Variants in ZNF568 observed in about 807,000 individuals in gnomAD.
The protein encoded by ZNF568 is p53 inhibitor of SCO2 activation.
In ZNF568, 11 loss-of-function variants were observed where a neutral mutation model predicts 18.1. The ratio of observed to expected loss-of-function variants is 0.61; its 90% confidence interval spans 0.38 to 1.00. The LOEUF is 1.00. Among genes scored for constraint, ZNF568 ranks in the 50% least tolerant of loss-of-function variants. ZNF568 has a pLI of 0.01. For synonymous variants in ZNF568, 213 were observed against 246.6 expected (o/e 0.86, Z 1.28); for missense variants, 639 against 768.2 (o/e 0.83, Z 1.99).
intron 6 of ZNF568, among the ~76,000 whole-genome samples, chr19:36,945,830 AT>A (rs1330335612): frequency 6.6e-6 from 1 of 151,898 alleles, no homozygotes; most frequent in Admixed American, 6.6e-5. Flanking sequence ...GTGGTGTCTC[AT>A]ACCTGTAATC....
exon 5 of ZNF568, chr19:36,996,587 G>T: frequency 6.5e-7 from 1 of 1,536,014 alleles, no homozygotes; most frequent in Non-Finnish European, 8.7e-7. Context: ...TACCAGTCAT[G>T]TCCTATTCAA....
chr19:36,989,445 A>G (rs569743844), intron 2 of ZNF568, among the ~76,000 whole-genome samples: 1 of 152,312 alleles, frequency 6.6e-6, no homozygotes, highest in South Asian at 2.1e-4. Context: ...GGCCTCTCAA[A>G]GTGCTGGGAT....
chr19:36,934,154 T>C (rs1474326140), intron 4 of ZNF568, among the ~76,000 whole-genome samples: 4 of 151,724 alleles, frequency 2.6e-5, no homozygotes, highest in African/African-American at 7.2e-5. Context: ...TGAGTCTTCT[T>C]GTCAGTGATA....
downstream of ZNF568, among the ~76,000 whole-genome samples, chr19:36,982,814 GAAAAACC>G (rs1393117882): frequency 6.6e-6 from 1 of 152,102 alleles, no homozygotes; most frequent in African/African-American, 2.4e-5. Flanking sequence ...CCTTTATTGG[GAAAAACC>G]TAACTTAGCC....
At chr19:36,974,218 G>C (rs80145036) in intron 6 of ZNF568, among the ~76,000 whole-genome samples, 3,800 of 152,230 alleles carry the variant, frequency 0.025, 85 homozygotes, top group East Asian at 0.078. Flanking sequence ...AGAGGGCTAC[G>C]GTCTGGGGGG....
chr19:36,970,479 G>C (rs1385844185), intron 6 of ZNF568, among the ~76,000 whole-genome samples: 1 of 151,800 alleles, frequency 6.6e-6, no homozygotes, highest in African/African-American at 2.4e-5. Flanking sequence ...CCAGTAGCTG[G>C]AAGTACAGGT....
Position 36,952,038 on chromosome 19 carries a change from CTTT to C in ZNF568, c.*965_*967del, listed in dbSNP as rs138419937. 638 of 878,268 alleles carry C rather than the reference CTTT, an allele frequency of 7.3e-4. No homozygotes were observed. The highest frequency in any genetic ancestry group is 1.2e-3 in the Middle Eastern group (2 of 1,686). 54.4% of individuals were successfully genotyped at this position (878,268 alleles called of 1,614,324 possible). A position where few individuals can be genotyped will look rare whatever the true frequency, so the allele number is the denominator to read the frequency against. ...TGTCTATGACGTTGAGGCCAAGGAG[CTTT>C]TTTTTTTTTTTTTTCAAGACAAAAG... On this transcript the variant is annotated 3_prime_UTR_variant, in exon 7 of 7. Transcript: ENST00000333987.
chr19:36,955,194 CTT>C (rs34883962), downstream of ZNF568, among the ~76,000 whole-genome samples: 38 of 147,928 alleles, frequency 2.6e-4, no homozygotes, highest in African/African-American at 7.2e-4. Context: ...ATTTGTGAGA[CTT>C]TTTTTTTTTG....
chr19:36,986,265 A>G (rs2074375845), intron 2 of ZNF568, among the ~76,000 whole-genome samples: 1 of 152,078 alleles, frequency 6.6e-6, no homozygotes, highest in Non-Finnish European at 1.5e-5. Flanking sequence ...CCTTACTCTA[A>G]GGGCGTGGTT....
At chr19:36,974,827 T>TA (rs2074267423) in intron 7 of ZNF568, among the ~76,000 whole-genome samples, 1 of 28,548 alleles carries the variant, frequency 3.5e-5, no homozygotes, top group Non-Finnish European at 6.7e-5. Flanking sequence ...TGCTTACCAA[T>TA]TTTTTTTTTT....
intron 6 of ZNF568, among the ~76,000 whole-genome samples, chr19:36,969,585 G>T (rs984395196): frequency 6.6e-6 from 1 of 151,962 alleles, no homozygotes; most frequent in Non-Finnish European, 1.5e-5. Flanking sequence ...TTCTAGGGGA[G>T]AATCTATTTC....
At chr19:36,946,687 T>C (rs1345434431) in intron 6 of ZNF568, among the ~76,000 whole-genome samples, 1 of 148,962 alleles carries the variant, frequency 6.7e-6, no homozygotes, top group African/African-American at 2.5e-5. Context: ...AGTTTCGCTC[T>C]TGTTGCCCAG....
chr19:36,960,427 G>T (rs1467400080), intron 6 of ZNF568, among the ~76,000 whole-genome samples: 1 of 151,920 alleles, frequency 6.6e-6, no homozygotes, highest in Non-Finnish European at 1.5e-5. Flanking sequence ...TAACTTTTTT[G>T]ATTGCATTCT....
At chr19:36,933,260 C>G (rs2073718936) in intron 4 of ZNF568, among the ~76,000 whole-genome samples, 1 of 151,314 alleles carries the variant, frequency 6.6e-6, no homozygotes, top group Admixed American at 6.6e-5. Flanking sequence ...AGTTGTTGTC[C>G]CAGCATCATT....
At chr19:36,929,921 T>G (rs1568382693) in intron 4 of ZNF568, among the ~76,000 whole-genome samples, 2 of 144,838 alleles carry the variant, frequency 1.4e-5, no homozygotes, top group Non-Finnish European at 3.0e-5. Flanking sequence ...TATTGCCTCT[T>G]GCCAGGGGCA....
downstream of ZNF568, among the ~76,000 whole-genome samples, chr19:36,957,557 T>C (rs1274950889): frequency 6.6e-6 from 1 of 152,142 alleles, no homozygotes; most frequent in Non-Finnish European, 1.5e-5. Flanking sequence ...TGTTGTGACA[T>C]TTGGTGTGGT....
intron 3 of ZNF568, 90 bp from the exon 4 acceptor site, chr19:36,925,110 A>AC: frequency 9.1e-7 from 1 of 1,099,260 alleles, no homozygotes; most frequent in Admixed American, 1.7e-5. Context: ...ATTCATCTGT[A>AC]GAGGGTCTTC....
At chr19:36,921,482 T>C (rs2073454987) in intron 2 of ZNF568, among the ~76,000 whole-genome samples, 1 of 150,426 alleles carries the variant, frequency 6.6e-6, no homozygotes, top group African/African-American at 2.4e-5. Flanking sequence ...AGAAAGAAAG[T>C]GATCACTGTC....
chr19:36,932,020 G>A (rs2073694650), intron 4 of ZNF568, among the ~76,000 whole-genome samples: 1 of 152,152 alleles, frequency 6.6e-6, no homozygotes, highest in African/African-American at 2.4e-5. Context: ...CTTTCGCTTA[G>A]CATTATGTTT....
Sources: gnomAD v4.1 joint callset for allele counts (sites outside exome capture counted in the v4.1 genomes callset) on GRCh38, gnomAD v4.1.1 for gene constraint, MANE v1.5 for transcripts, NCBI Gene and HGNC (gene_info 2026-07-23, HGNC 2026-07-21) for gene names.